GPALPP1: variants seen among roughly 807,000 people sequenced by gnomAD.
The protein encoded by GPALPP1 is GPALPP motifs containing 1.
GPALPP1 carries 30 observed loss-of-function variants against 38.9 expected under a neutral mutation model. The ratio of observed to expected loss-of-function variants is 0.77; its 90% CI spans 0.58 to 1.05. The LOEUF (loss-of-function observed/expected upper bound fraction) is 1.05. Among genes scored for constraint, GPALPP1 ranks in the 50% least tolerant of loss-of-function variants. The pLI is 0.00. For synonymous variants in GPALPP1, 120 were observed against 139.2 expected (o/e 0.86, Z 0.97); for missense variants, 384 against 408.8 (o/e 0.94, Z 0.52).
At chr13:45,021,038 A>G (rs1432030568) in intron 7 of GPALPP1, among the ~76,000 whole-genome samples, 1 of 152,206 alleles carries the variant, frequency 6.6e-6, no homozygotes, top group African/African-American at 2.4e-5. Flanking sequence ...TGTTTTTTGA[A>G]TGTAGTCCAA....
rs1214173338 is a variant in GPALPP1 at position 45,015,603 on chromosome 13, G to A, written c.705+7G>A. The A allele has an allele frequency of 2.1e-6, 3 of 1,453,298 alleles. No homozygotes were observed. The highest frequency in any genetic ancestry group is 2.7e-6 in the Non-Finnish European group (3 of 1,096,764). The allele number at this position is 1,453,298 out of a possible 1,614,324, so 90.0% of individuals were successfully genotyped here. A position where few individuals can be genotyped will look rare whatever the true frequency, so the allele number is the denominator to read the frequency against. Reference sequence around the variant, plus strand: ...TAGGGAAAGGAAAGCTAAGGTGAGAGGTTTTGTTTGTTTGTTCATGTATTT... The same window carrying A: ...TAGGGAAAGGAAAGCTAAGGTGAGAAGTTTTGTTTGTTTGTTCATGTATTT... On this transcript the variant is annotated splice_region_variant and intron_variant, in intron 6 of 7. Transcript: ENST00000379151.
chr13:45,034,732 T>A (rs1336264497), downstream of GPALPP1: 4 of 149,842 alleles, frequency 2.7e-5, no homozygotes, highest in African/African-American at 7.4e-5. Flanking sequence ...ATTTCTTTTT[T>A]TTTTTTTTTA....
chr13:44,996,166 G>A (rs1873251917), intron 1 of GPALPP1, among the ~76,000 whole-genome samples: 1 of 152,012 alleles, frequency 6.6e-6, no homozygotes, highest in Non-Finnish European at 1.5e-5. Flanking sequence ...AACAGCCTAG[G>A]CAACATAGTA....
chr13:45,034,881 A>T (rs997454292), downstream of GPALPP1: 1 of 142,774 alleles, frequency 7.0e-6, no homozygotes, highest in Non-Finnish European at 1.5e-5. Context: ...GATTACAGGC[A>T]CCCGCCACCA....
chr13:45,000,901 T>A (rs761441236), intron 1 of GPALPP1, among the ~76,000 whole-genome samples: 1 of 152,246 alleles, frequency 6.6e-6, no homozygotes, highest in Non-Finnish European at 1.5e-5. Flanking sequence ...GTTATTCTTT[T>A]CTAAGGCATG....
intron 1 of GPALPP1, among the ~76,000 whole-genome samples, chr13:44,999,870 G>T (rs894027527): frequency 1.3e-5 from 2 of 152,086 alleles, no homozygotes; most frequent in African/African-American, 4.8e-5. Context: ...GAGCCACTGC[G>T]CCTGGCCCCT....
chr13:45,000,154 T>C (rs1315372223), intron 1 of GPALPP1, among the ~76,000 whole-genome samples: 1 of 152,196 alleles, frequency 6.6e-6, no homozygotes, highest in Non-Finnish European at 1.5e-5. Context: ...TGGTGGCTCA[T>C]GCCTGTAATC....
At chr13:45,024,730 C>A (rs1875716299) in intron 7 of GPALPP1, among the ~76,000 whole-genome samples, 1 of 151,800 alleles carries the variant, frequency 6.6e-6, no homozygotes, top group South Asian at 2.1e-4. Flanking sequence ...AGTTCAAGAC[C>A]AGCCTGGCCA....
rs189998546 is a variant in GPALPP1 at position 44,994,405 on chromosome 13, C to T, written c.88+4663C>T. On this transcript the variant is annotated intron_variant, in intron 1 of 7. Coordinates refer to ENST00000379151, the MANE Select transcript of GPALPP1 (RefSeq NM_018559.5). ...CGAGACCAGCCTCAACGTGGAGAAA[C>T]CCCGTCTCTACTAAAAAAATACAAA... Among the ~76,000 whole-genome samples, 1,307 of 151,818 alleles carry T rather than the reference C, an allele frequency of 8.6e-3. 11 individuals carry two copies. Among genetic ancestry groups the T allele is most frequent in the Non-Finnish European group, 0.015 (999 of 67,940 alleles).
At chr13:45,020,578 AT>A in intron 7 of GPALPP1, 150 bp downstream of exon 7, 1 of 464,426 alleles carries the variant, frequency 2.2e-6, no homozygotes, top group Non-Finnish European at 3.9e-6. Context: ...TCTAAAAACA[AT>A]TTTTTTAAAT....
chr13:45,001,298 A>G (rs1385910555), intron 1 of GPALPP1, among the ~76,000 whole-genome samples: 1 of 152,182 alleles, frequency 6.6e-6, no homozygotes, highest in Non-Finnish European at 1.5e-5. Context: ...CTCCACAACC[A>G]TGCTGAACTG....
chr13:45,027,979 C>A lies in GPALPP1; in HGVS notation c.999C>A (p.His333Gln). The A allele has an allele frequency of 1.3e-6, 2 of 1,595,196 alleles. No homozygotes were observed. Among genetic ancestry groups the A allele is most frequent in the South Asian group, 1.1e-5 (1 of 90,544 alleles). The stretch of plus-strand genomic sequence containing the variant: ...GAGAACTAAACACCAGATTTTCACA[C>A]GGCAAAGGCAATATGTTTTTATAAG... ...KSRELNTRFSHGKGNMFL is the reference protein window; with the variant it reads ...KSRELNTRFSQGKGNMFL The change falls in exon 8 of 8, where the codon CAC becomes CAA. Residue 333 changes from histidine (H) to glutamine (Q), a missense_variant. Coordinates refer to ENST00000379151, the MANE Select transcript of GPALPP1 (RefSeq NM_018559.5).
chr13:44,996,803 TTTTTTTC>T lies in GPALPP1; in HGVS notation c.88+7062_88+7068del, dbSNP rs1246718785. Among the ~76,000 whole-genome samples, 20 of 146,544 alleles carry T rather than the reference TTTTTTTC, an allele frequency of 1.4e-4. 1 individual carries two copies. Among genetic ancestry groups the T allele is most frequent in the African/African-American group, 4.8e-4 (19 of 39,792 alleles). Reference sequence around the variant, plus strand: ...CAGCCTCTTTTTTTTTTTTTTTTTTTTTTTTTCCAGTTTTTAAAAATTGTGATAAAAT... The same window carrying T: ...CAGCCTCTTTTTTTTTTTTTTTTTTTCAGTTTTTAAAAATTGTGATAAAAT... On this transcript the variant is annotated intron_variant, in intron 1 of 7. Transcript: ENST00000379151.
chr13:45,002,258 T>A (rs2137964611), intron 1 of GPALPP1: 1 of 152,288 alleles, frequency 6.6e-6, no homozygotes, highest in Admixed American at 6.5e-5. Flanking sequence ...CATTCTGGTA[T>A]CCACACTAAG....
chr13:45,012,761 C>T (rs1874572374), intron 4 of GPALPP1, among the ~76,000 whole-genome samples: 1 of 152,090 alleles, frequency 6.6e-6, no homozygotes, highest in South Asian at 2.1e-4. Context: ...TTAATTGAAC[C>T]TTTTTCAAAA....
chr13:45,011,447 G>A (rs1261048824), intron 4 of GPALPP1, among the ~76,000 whole-genome samples: 2 of 152,082 alleles, frequency 1.3e-5, no homozygotes, highest in African/African-American at 4.8e-5. Flanking sequence ...AGCATGGCTG[G>A]GGAGGCCTCA....
At chr13:45,020,779 C>G (rs1370016123) in intron 7 of GPALPP1, among the ~76,000 whole-genome samples, 1 of 151,858 alleles carries the variant, frequency 6.6e-6, no homozygotes, top group African/African-American at 2.4e-5. Flanking sequence ...ACTTTTTATA[C>G]ATCTATCCTG....
At chr13:44,999,838 A>G (rs2137959742) in intron 1 of GPALPP1, among the ~76,000 whole-genome samples, 1 of 152,252 alleles carries the variant, frequency 6.6e-6, no homozygotes, top group East Asian at 1.9e-4. Flanking sequence ...TTGTCCTCCC[A>G]AAGTTCTGGG....
intron 4 of GPALPP1, among the ~76,000 whole-genome samples, chr13:45,011,094 C>G (rs973632657): frequency 1.1e-4 from 17 of 152,016 alleles, no homozygotes; most frequent in African/African-American, 4.1e-4. Flanking sequence ...GAACATTGTT[C>G]CAGAGAGAGC....
Sources: allele counts gnomAD v4.1 joint callset (sites outside exome capture counted in the v4.1 genomes callset), GRCh38; gene constraint gnomAD v4.1.1; transcripts MANE v1.5; gene names NCBI Gene and HGNC (gene_info 2026-07-23, HGNC 2026-07-21).